The following PSMD1 variants were observed in gnomAD, a reference collection of about 807,000 sequenced individuals.
PSMD1 encodes the protein proteasome 26S subunit, non-ATPase 1, also known as 26S proteasome non-ATPase regulatory subunit 1.
In PSMD1, 18 loss-of-function variants were observed where a neutral mutation model predicts 119.0. The ratio of observed to expected loss-of-function variants is 0.15; its 90% CI spans 0.10 to 0.22. PSMD1 has a LOEUF of 0.22. Among genes scored for constraint, PSMD1 ranks in the 10% least tolerant of loss-of-function variants. The pLI is 1.00. For synonymous variants in PSMD1, 374 were observed against 396.6 expected (o/e 0.94, Z 0.68); for missense variants, 702 against 1,158.5 (o/e 0.61, Z 5.72).
At chr2:231,113,166 A>G (rs939096821) in intron 16 of PSMD1, among the ~76,000 whole-genome samples, 2 of 152,156 alleles carry the variant, frequency 1.3e-5, no homozygotes, top group Non-Finnish European at 2.9e-5. Context: ...CCTGTCTCCA[A>G]AAAAGAAAAA....
chr2:231,159,544 T>G lies in PSMD1; in HGVS notation c.2219-1796T>G, dbSNP rs190785894. Reference sequence around the variant, plus strand: ...TAGTACATGTACTTTACAGTTTGCTTCAGTCCCCACTGCTCCCAGCCCACT... The same window carrying G: ...TAGTACATGTACTTTACAGTTTGCTGCAGTCCCCACTGCTCCCAGCCCACT... On this transcript the variant is annotated intron_variant, in intron 19 of 24. Transcript: ENST00000308696. Among the ~76,000 whole-genome samples, 175 of 152,316 alleles carry G rather than the reference T, an allele frequency of 1.1e-3. 1 individual carries two copies. The highest frequency in any genetic ancestry group is 3.9e-3 in the African/African-American group (161 of 41,564).
At chr2:231,166,352 G>GC (rs1450399235) in intron 23 of PSMD1, among the ~76,000 whole-genome samples, 1 of 152,102 alleles carries the variant, frequency 6.6e-6, no homozygotes, top group African/African-American at 2.4e-5. Flanking sequence ...GTGACCTTAG[G>GC]CCAGGTACTA....
At chr2:231,080,093 C>G in intron 11 of PSMD1, 48 bp from the exon 12 acceptor site, 1 of 1,506,046 alleles carries the variant, frequency 6.6e-7, no homozygotes. Context: ...TGTCTTTTTT[C>G]TTCTTACTTT....
At chr2:231,157,733 A>T (rs1028708018) in intron 19 of PSMD1, among the ~76,000 whole-genome samples, 1 of 151,304 alleles carries the variant, frequency 6.6e-6, no homozygotes, top group South Asian at 2.1e-4. Context: ...TGCCCGGCAA[A>T]TTTTTTGTAT....
At chr2:231,124,226 T>G (rs1413397210) in intron 16 of PSMD1, 1 of 166,654 alleles carries the variant, frequency 6.0e-6, no homozygotes, top group African/African-American at 2.4e-5. Context: ...AGTAAGTCTG[T>G]TGTGCATTTG....
At chr2:231,148,358 A>G (rs1011840919) in intron 18 of PSMD1, among the ~76,000 whole-genome samples, 2 of 152,314 alleles carry the variant, frequency 1.3e-5, no homozygotes, top group Non-Finnish European at 2.9e-5. Context: ...AGCAAGACAA[A>G]TGTTCTGTCT....
chr2:231,136,566 A>G (rs932020104), intron 16 of PSMD1, among the ~76,000 whole-genome samples: 2 of 152,194 alleles, frequency 1.3e-5, no homozygotes, highest in African/African-American at 4.8e-5. Flanking sequence ...CTAAATCATC[A>G]TTCCATTTAT....
chr2:231,155,059 T>C (rs1696455460), intron 19 of PSMD1, among the ~76,000 whole-genome samples: 1 of 152,234 alleles, frequency 6.6e-6, no homozygotes, highest in African/African-American at 2.4e-5. Context: ...TTATTATTGG[T>C]GACCTCTCAA....
chr2:231,123,956 G>T, intron 16 of PSMD1: 1 of 594,530 alleles, frequency 1.7e-6, no homozygotes, highest in East Asian at 2.9e-5. Flanking sequence ...CATGTTTGTA[G>T]GTAAGATATC....
rs3035542 is a variant in PSMD1 at position 231,143,187 on chromosome 2, G to GGGTTT, written c.1999-2997_1999-2993dup. On this transcript the variant is annotated intron_variant, in intron 17 of 24. Coordinates refer to ENST00000308696, the MANE Select transcript of PSMD1 (RefSeq NM_002807.4). ...CAATGACAGATTAAAGGAACGTTGT[G>GGGTTT]GGTTTGGTTTGGTTTGGTTTGGTTT... Among the ~76,000 whole-genome samples the GGGTTT allele has an allele frequency of 4.1e-3, 599 of 145,284 alleles. 7 individuals are homozygous for GGGTTT. The highest frequency in any genetic ancestry group is 0.012 in the South Asian group (51 of 4,296).
intron 17 of PSMD1, among the ~76,000 whole-genome samples, chr2:231,141,209 C>A (rs1451283643): frequency 6.7e-6 from 1 of 149,748 alleles, no homozygotes; most frequent in African/African-American, 2.5e-5. Context: ...GAGGCTGAGG[C>A]AGAATTGCTT....
intron 10 of PSMD1, 68 bp from the exon 11 acceptor site, chr2:231,079,468 A>T: frequency 1.9e-6 from 2 of 1,074,564 alleles, no homozygotes; most frequent in Non-Finnish European, 2.7e-6. Flanking sequence ...TTTTAACCTT[A>T]GAGTTAAAAA....
intron 16 of PSMD1, among the ~76,000 whole-genome samples, chr2:231,109,741 A>C (rs985844783): frequency 6.6e-6 from 1 of 152,184 alleles, no homozygotes; most frequent in Non-Finnish European, 1.5e-5. Context: ...AAGCTATCTC[A>C]GATTAAGGAA....
intron 16 of PSMD1, among the ~76,000 whole-genome samples, chr2:231,104,492 G>A (rs1694935922): frequency 6.6e-6 from 1 of 152,072 alleles, no homozygotes; most frequent in African/African-American, 2.4e-5. Flanking sequence ...TTTTATAAAT[G>A]AAAATTAAAT....
In PSMD1 at chr2:231,078,674, T is replaced by C; in HGVS notation, c.1087T>C (p.Ser363Pro). The C allele has an allele frequency of 3.7e-6, 6 of 1,606,392 alleles. No individual in the cohort carries two copies. Among genetic ancestry groups the C allele is most frequent in the Non-Finnish European group, 5.1e-6 (6 of 1,177,394 alleles). The change falls in exon 10 of 25, where the codon TCT becomes CCT. Residue 363 changes from serine to proline, a missense_variant. By Grantham distance (74) the Ser-to-Pro change is moderately conservative. This residue lies in a region of PSMD1 where 272 missense variants were observed against 511.6 expected (regional missense o/e 0.53). Transcript: ENST00000308696. ...GTTGTTGCAGGATGCAGTACGGAATTCTGTATGTCATACTGCAACCGTTAT... is the reference window on the plus strand; with the variant it reads ...GTTGTTGCAGGATGCAGTACGGAATCCTGTATGTCATACTGCAACCGTTAT... ...LKNTKDAVRNSVCHTATVIAN... is the reference protein window; with the variant it reads ...LKNTKDAVRNPVCHTATVIAN...
At chr2:231,109,135 C>T (rs139956541) in intron 16 of PSMD1, 43 of 1,613,942 alleles carry the variant, frequency 2.7e-5, no homozygotes, top group African/African-American at 4.0e-5. Context: ...TTTCCGGTGA[C>T]GAGCAAGGTG....
intron 16 of PSMD1, among the ~76,000 whole-genome samples, chr2:231,119,611 C>T (rs1003364657): frequency 6.6e-6 from 1 of 152,122 alleles, no homozygotes; most frequent in East Asian, 1.9e-4. Context: ...TGGCTCATGT[C>T]TGTAATCCCA....
At chr2:231,106,204 G>C (rs897685211) in intron 16 of PSMD1, among the ~76,000 whole-genome samples, 4 of 152,106 alleles carry the variant, frequency 2.6e-5, no homozygotes, top group African/African-American at 9.7e-5. Flanking sequence ...GAAGTGGTAA[G>C]AGTTTGTGGC....
intron 1 of PSMD1, among the ~76,000 whole-genome samples, chr2:231,061,018 G>A (rs1559214989): frequency 6.6e-6 from 1 of 152,260 alleles, no homozygotes; most frequent in African/African-American, 2.4e-5. Context: ...TTAGTCCAGG[G>A]AACACACTGA....
Sources: allele counts gnomAD v4.1 joint callset (sites outside exome capture counted in the v4.1 genomes callset), GRCh38; gene constraint gnomAD v4.1.1; regional missense constraint gnomAD v4.1.1; transcripts MANE v1.5; gene names NCBI Gene and HGNC (gene_info 2026-07-23, HGNC 2026-07-21).